The following PTPRD variants were observed in gnomAD, a reference collection of about 807,000 sequenced individuals.
PTPRD encodes receptor-type tyrosine-protein phosphatase delta.
In PTPRD, 34 loss-of-function variants were observed where a neutral mutation model predicts 214.5. The ratio of observed to expected loss-of-function variants is 0.16; its 90% confidence interval spans 0.12 to 0.21. PTPRD has a LOEUF of 0.21. Among genes scored for constraint, PTPRD ranks in the 10% least tolerant of loss-of-function variants. The pLI is 1.00. For missense variants in PTPRD, 2,545 were observed against 2,398.7 expected (o/e 1.06, Z -1.27); for synonymous variants, 1,128 against 845.7 (o/e 1.33, Z -5.79).
chr9:9,574,874 T>C (rs2087881417), intron 7 of PTPRD, 93 bp from the exon 8 acceptor site: 2 of 152,118 alleles, frequency 1.3e-5, no homozygotes. Context: ...ATATGAGAAA[T>C]GTTATTATAT....
At chr9:9,560,408 G>A (rs772178045) in intron 8 of PTPRD, among the ~76,000 whole-genome samples, 4 of 152,220 alleles carry the variant, frequency 2.6e-5, no homozygotes, top group Non-Finnish European at 4.4e-5. Context: ...AGTTACAAAT[G>A]CCTATCCGAC....
chr9:10,200,968 G>A (rs1401927069), intron 3 of PTPRD, among the ~76,000 whole-genome samples: 4 of 151,974 alleles, frequency 2.6e-5, no homozygotes, highest in African/African-American at 9.7e-5. Context: ...AGAAATAAAA[G>A]ACACAGCTTA....
chr9:8,533,742 T>C (rs2076268922), intron 14 of PTPRD, among the ~76,000 whole-genome samples: 1 of 152,032 alleles, frequency 6.6e-6, no homozygotes, highest in Admixed American at 6.6e-5. Flanking sequence ...GGGCAGGAGC[T>C]ATTTGTTACT....
chr9:9,490,774 A>T (rs1338654617), intron 8 of PTPRD, among the ~76,000 whole-genome samples: 2 of 151,932 alleles, frequency 1.3e-5, no homozygotes, highest in South Asian at 2.1e-4. Flanking sequence ...ACAAAAAATT[A>T]ACACAAAGGA....
At chr9:10,170,035 T>C (rs1455476080) in intron 3 of PTPRD, among the ~76,000 whole-genome samples, 2 of 152,204 alleles carry the variant, frequency 1.3e-5, no homozygotes, top group Admixed American at 1.3e-4. Flanking sequence ...TGAGACATTC[T>C]TCAACTTTGA....
chr9:9,854,482 T>C (rs535834553), intron 5 of PTPRD, among the ~76,000 whole-genome samples: 1 of 151,810 alleles, frequency 6.6e-6, no homozygotes, highest in South Asian at 2.1e-4. Flanking sequence ...CCCAAGAATC[T>C]TTTCTCAGAA....
intron 4 of PTPRD, among the ~76,000 whole-genome samples, chr9:10,002,893 T>A (rs2096366322): frequency 6.6e-6 from 1 of 151,718 alleles, no homozygotes; most frequent in African/African-American, 2.4e-5. Flanking sequence ...CAAGTGCACA[T>A]GGAACATTCT....
chr9:9,871,672 G>A (rs2065477195), intron 5 of PTPRD, among the ~76,000 whole-genome samples: 1 of 151,476 alleles, frequency 6.6e-6, no homozygotes, highest in Non-Finnish European at 1.5e-5. Flanking sequence ...CTGGAAAGGG[G>A]CCTGGGAGAA....
At chr9:10,408,913 G>T (rs1278884959) in intron 2 of PTPRD, among the ~76,000 whole-genome samples, 3 of 151,654 alleles carry the variant, frequency 2.0e-5, no homozygotes, top group Non-Finnish European at 2.9e-5. Context: ...TTGCTCATTA[G>T]CATTTATAAA....
intron 12 of PTPRD, among the ~76,000 whole-genome samples, chr9:8,726,957 G>C (rs1237020802): frequency 6.6e-6 from 1 of 151,694 alleles, no homozygotes; most frequent in African/African-American, 2.4e-5. Context: ...CTGGGCAGCA[G>C]AGCCAGACCC....
At chr9:10,148,561 A>G (rs1355436285) in intron 3 of PTPRD, among the ~76,000 whole-genome samples, 1 of 152,218 alleles carries the variant, frequency 6.6e-6, no homozygotes, top group Non-Finnish European at 1.5e-5. Context: ...TGGAATACTG[A>G]TTCAAGGAAG....
intron 8 of PTPRD, among the ~76,000 whole-genome samples, chr9:9,573,831 A>G (rs2087422775): frequency 6.6e-6 from 1 of 151,776 alleles, no homozygotes; most frequent in Non-Finnish European, 1.5e-5. Flanking sequence ...GAAAAAGTAT[A>G]CCTTATAGTT....
At chr9:8,564,260 G>A (rs2087872228) in intron 14 of PTPRD, among the ~76,000 whole-genome samples, 3 of 152,110 alleles carry the variant, frequency 2.0e-5, no homozygotes, top group Admixed American at 2.0e-4. Flanking sequence ...TGTTCAGTGG[G>A]TTTGACATAT....
chr9:9,859,723 C>T (rs1030739632), intron 5 of PTPRD, among the ~76,000 whole-genome samples: 1 of 152,162 alleles, frequency 6.6e-6, no homozygotes, highest in African/African-American at 2.4e-5. Flanking sequence ...ATACTGCTGA[C>T]AAATTTAAAT....
chr9:9,049,687 A>G (rs2099680932), intron 10 of PTPRD, among the ~76,000 whole-genome samples: 2 of 152,280 alleles, frequency 1.3e-5, no homozygotes, highest in East Asian at 3.9e-4. Context: ...TCTATACCTC[A>G]GGAACTTACA....
chr9:9,793,129 C>T (rs985767375), intron 5 of PTPRD, among the ~76,000 whole-genome samples: 1 of 152,046 alleles, frequency 6.6e-6, no homozygotes, highest in African/African-American at 2.4e-5. Flanking sequence ...TACTAAAATA[C>T]AGGACCTGAA....
At chr9:8,497,104 G>C in intron 26 of PTPRD, 138 bp downstream of exon 26, 1 of 734,934 alleles carries the variant, frequency 1.4e-6, no homozygotes, top group Middle Eastern at 2.8e-4. Context: ...GCACCACACA[G>C]TGAAGATAAC....
At chr9:8,808,405 C>T (rs1358828790) in intron 11 of PTPRD, among the ~76,000 whole-genome samples, 1 of 150,016 alleles carries the variant, frequency 6.7e-6, no homozygotes, top group Admixed American at 6.7e-5. Flanking sequence ...TAAAATGATT[C>T]TGATGAAACA....
chr9:8,455,428 G>A (rs2096152466), intron 33 of PTPRD, among the ~76,000 whole-genome samples: 1 of 152,148 alleles, frequency 6.6e-6, no homozygotes, highest in South Asian at 2.1e-4. Context: ...TTTCTGCAGA[G>A]TATAACCTTT....
Sources: allele counts gnomAD v4.1 joint callset (sites outside exome capture counted in the v4.1 genomes callset), GRCh38; gene constraint gnomAD v4.1.1; transcripts MANE v1.5; gene names NCBI Gene and HGNC (gene_info 2026-07-23, HGNC 2026-07-21).